Variants in SLC38A10 observed in about 807,000 individuals in gnomAD.
SLC38A10 encodes the protein solute carrier family 38 member 10.
A neutral mutation model predicts 81.0 loss-of-function variants in SLC38A10; 53 were observed. The observed-to-expected ratio is 0.65, with a 90% CI of 0.53 to 0.82. The LOEUF (loss-of-function observed/expected upper bound fraction) is 0.82. Ranked by LOEUF, SLC38A10 falls within the 40% of genes least tolerant of loss-of-function variation. The probability of loss-of-function intolerance (pLI) is 0.00; values close to 1 mark genes in which losing one functional copy is unlikely to be tolerated. For missense variants in SLC38A10, 1,471 were observed against 1,545.0 expected, an observed-to-expected ratio of 0.95 and a Z score of 0.80; for synonymous variants, 665 against 655.3, an observed-to-expected ratio of 1.01 and a Z score of -0.23.
intron 8 of SLC38A10, among the ~76,000 whole-genome samples, chr17:81,275,589 G>A (rs928739550): frequency 7.3e-5 from 11 of 150,708 alleles, no homozygotes; most frequent in Admixed American, 2.6e-4. Flanking sequence ...AAAATTAGCC[G>A]GGCATGGTGG....
At position 81,245,536 on chromosome 17, in the gene SLC38A10, G is replaced by A; in HGVS notation, c.*20C>T. The A allele has an allele frequency of 1.9e-6, 3 of 1,570,336 alleles. No homozygotes were observed. The highest frequency in any genetic ancestry group is 1.7e-6 in the Non-Finnish European group (2 of 1,157,246). ...GCCGAGGAGGGCAGTGGCTGGCGTG[G>A]CCCTCATGGCCAGCAGGTGCTAGGA... is the stretch of plus-strand genomic sequence containing the variant. On this transcript the variant is annotated 3_prime_UTR_variant, in exon 16 of 16. Coordinates refer to ENST00000374759, the MANE Select transcript of SLC38A10 (RefSeq NM_001037984.3).
chr17:81,290,087 C>G (rs2063298819), intron 1 of SLC38A10, among the ~76,000 whole-genome samples: 1 of 152,226 alleles, frequency 6.6e-6, no homozygotes, highest in South Asian at 2.1e-4. Context: ...GTGCTGCCAA[C>G]TAATACCCCC....
chr17:81,267,190 C>T (rs764552676), intron 10 of SLC38A10, among the ~76,000 whole-genome samples: 70 of 152,134 alleles, frequency 4.6e-4, no homozygotes, highest in Non-Finnish European at 3.8e-4. Flanking sequence ...CTAACATTTC[C>T]CATCAGTGAT....
rs1237787654 is a variant in SLC38A10, at chr17:81,289,508, T to A, written c.217+183A>T. On this transcript the variant is annotated intron_variant, in intron 2 of 15. Coordinates refer to ENST00000374759, the MANE Select transcript of SLC38A10 (RefSeq NM_001037984.3). This position sits in a 1 kb window ranked among gnomAD's most constrained non-coding sequence, Gnocchi z 5.9. Reference sequence around the variant, plus strand: ...CCACCTCAGCCTCCCAAATAGTAGCTGGGACGACAGGCACGTGCAACCACA... The same window carrying A: ...CCACCTCAGCCTCCCAAATAGTAGCAGGGACGACAGGCACGTGCAACCACA... Among the ~76,000 whole-genome samples the A allele has an allele frequency of 6.6e-6, 1 of 151,902 alleles. No homozygotes were observed. Among genetic ancestry groups the A allele is most frequent in the Non-Finnish European group, 1.5e-5 (1 of 68,004 alleles).
chr17:81,260,448 C>A (rs936101563), intron 10 of SLC38A10, 54 bp from the exon 11 acceptor site: 1 of 1,557,732 alleles, frequency 6.4e-7, no homozygotes, highest in Non-Finnish European at 8.7e-7. Context: ...CCGCCCCTGC[C>A]CAGGGTATAA....
chr17:81,294,060 C>G (rs1322735580), intron 1 of SLC38A10, among the ~76,000 whole-genome samples: 1 of 152,234 alleles, frequency 6.6e-6, no homozygotes, highest in African/African-American at 2.4e-5. Flanking sequence ...GTCGCCCAGG[C>G]TGGAGTGCAA....
At chr17:81,251,162 TG>T in intron 14 of SLC38A10, 2 of 1,523,688 alleles carry the variant, frequency 1.3e-6, no homozygotes. Context: ...TTAACAAACC[TG>T]CTTTAAAGAC....
chr17:81,282,267 G>T lies in SLC38A10; in HGVS notation c.423C>A (p.Ser141Arg). ...TGGAGGCCATCATGTTCCGCTGCAG[G>T]CTGAGCGGGAGCACGATGCACAGCG... Reference protein sequence around the residue: ...AVSLCIVLPLSLQRNMMASIQ... With the variant: ...AVSLCIVLPLRLQRNMMASIQ... Residue 141 changes from serine (S) to arginine (R), a missense_variant, in exon 5 of 16, where the codon AGC becomes AGA. Around this residue, in one of 2 missense-constraint regions of SLC38A10, gnomAD observed 720 missense variants for 827.7 expected, o/e 0.87. Transcript: ENST00000374759. 1 of 1,613,606 alleles carries T rather than the reference G, an allele frequency of 6.2e-7. No individual in the cohort carries two copies. Among genetic ancestry groups the T allele is most frequent in the Non-Finnish European group, 8.5e-7 (1 of 1,180,024 alleles).
chr17:81,250,955 G>A, intron 14 of SLC38A10: 5 of 1,297,824 alleles, frequency 3.9e-6, no homozygotes, highest in Non-Finnish European at 4.9e-6. Context: ...ACAGATCCCT[G>A]TAGATGAACA....
Position 81,276,239 on chromosome 17 carries a change from T to C in SLC38A10, c.730-88A>G. 2 of 1,249,180 alleles carry C rather than the reference T, an allele frequency of 1.6e-6. No individual in the cohort carries two copies. The highest frequency in any genetic ancestry group is 2.2e-6 in the Non-Finnish European group (2 of 920,156). 77.4% of individuals were successfully genotyped at this position (1,249,180 alleles called of 1,614,324 possible). ...CAGTGGGCAGGGCATGGGGGGGACC[T>C]GTGCCCTGCCCCCCAGAATGGCCTT... is the stretch of plus-strand genomic sequence containing the variant. On this transcript the variant is annotated intron_variant, in intron 7 of 15. Coordinates refer to ENST00000374759, the MANE Select transcript of SLC38A10 (RefSeq NM_001037984.3). The surrounding 1 kb of genome is among the most constrained non-coding windows in gnomAD (Gnocchi z 4.7).
chr17:81,279,710 A>AT (rs1368495657), intron 6 of SLC38A10: 1 of 155,500 alleles, frequency 6.4e-6, no homozygotes, highest in Non-Finnish European at 1.4e-5. Context: ...CCAGCTGCAG[A>AT]TTTATTTCTA....
chr17:81,249,678 G>T (rs1362521183), intron 14 of SLC38A10, among the ~76,000 whole-genome samples: 2 of 151,932 alleles, frequency 1.3e-5, no homozygotes, highest in Non-Finnish European at 2.9e-5. Flanking sequence ...GGACTGGGCT[G>T]CAGAAGGCAC....
At chr17:81,272,735 C>T (rs973128691) in intron 8 of SLC38A10, 108 bp from the exon 9 acceptor site, 55 of 705,156 alleles carry the variant, frequency 7.8e-5, no homozygotes, top group African/African-American at 4.8e-4. Context: ...CACATCTCCA[C>T]GTGAGGCCGG....
In SLC38A10 at chr17:81,246,137, T is replaced by C. The variant is rs147849926; in HGVS notation, c.2779A>G (p.Lys927Glu). The C allele has an allele frequency of 4.0e-3, 6,407 of 1,610,394 alleles. 22 individuals carry two copies. Among genetic ancestry groups the C allele is most frequent in the Non-Finnish European group, 4.8e-3 (5,658 of 1,179,762 alleles). The change falls in exon 16 of 16, where the codon AAG becomes GAG. Residue 927 changes from lysine to glutamate, a missense_variant. Lys to Glu is a moderately conservative substitution (Grantham distance 56). Coordinates refer to ENST00000374759, the MANE Select transcript of SLC38A10 (RefSeq NM_001037984.3). ...AGGTCTCGGCTCACTTGCTTGGGCTTCATGCGAGGGTCCCCCGTCTCTGCT... is the reference window on the plus strand; with the variant it reads ...AGGTCTCGGCTCACTTGCTTGGGCTCCATGCGAGGGTCCCCCGTCTCTGCT... The part of the protein sequence containing the change: ...PGAETGDPRM[K>E]PKQVSRDLGL...
At chr17:81,251,471 G>A (rs761028755) in intron 14 of SLC38A10, 22 bp downstream of exon 14, 15 of 1,605,698 alleles carry the variant, frequency 9.3e-6, no homozygotes, top group South Asian at 5.5e-5. Context: ...TGAGGCAGGC[G>A]GCTGTAGGGC....
At chr17:81,262,630 G>C (rs1181505204) in intron 10 of SLC38A10, among the ~76,000 whole-genome samples, 1 of 152,208 alleles carries the variant, frequency 6.6e-6, no homozygotes, top group Non-Finnish European at 1.5e-5. Flanking sequence ...ATCTTGGTGA[G>C]AGTACCTAAA....
chr17:81,282,914 GC>G (rs1200456972), intron 4 of SLC38A10, among the ~76,000 whole-genome samples: 1 of 152,160 alleles, frequency 6.6e-6, no homozygotes, highest in Non-Finnish European at 1.5e-5. Flanking sequence ...TGCCTGCCCT[GC>G]CCAGTGAGGG....
intron 6 of SLC38A10, chr17:81,280,031 C>T (rs557117749): frequency 1.2e-4 from 47 of 394,450 alleles, no homozygotes; most frequent in Non-Finnish European, 2.2e-4. Flanking sequence ...CCGTCTGCGC[C>T]GGATTTACGC....
In SLC38A10 at chr17:81,280,695, C is replaced by T. The variant is rs142512687; in HGVS notation, c.540G>A (p.Gly180=). The part of the protein sequence containing the change: ...LSSLKHGLFS[G]QWLRRVSYVR... ...CGTAGCTGACCCGCCGCAGCCACTG[C>T]CCACTGAAGAGGCCGTGCTTGAGAG... Residue 180 remains glycine (G), a synonymous_variant, in exon 6 of 16, where the codon GGG becomes GGA. Coordinates refer to ENST00000374759, the MANE Select transcript of SLC38A10 (RefSeq NM_001037984.3). The T allele has an allele frequency of 4.2e-5, 67 of 1,613,766 alleles. No individual in the cohort carries two copies. Among genetic ancestry groups the T allele is most frequent in the South Asian group, 2.4e-4 (22 of 91,058 alleles).
Sources: allele counts gnomAD v4.1 joint callset (sites outside exome capture counted in the v4.1 genomes callset), GRCh38; gene constraint gnomAD v4.1.1; regional missense constraint gnomAD v4.1.1; non-coding constraint Gnocchi (gnomAD v3.1); transcripts MANE v1.5; gene names NCBI Gene and HGNC (gene_info 2026-07-23, HGNC 2026-07-21).